DIDO1: variants seen among roughly 807,000 people sequenced by gnomAD.
DIDO1 encodes death inducer-obliterator 1.
In DIDO1, 16 loss-of-function variants were observed where a neutral mutation model predicts 99.4. That is an observed-to-expected ratio of 0.16 (90% CI 0.11 to 0.24). DIDO1 has a LOEUF of 0.24. Ranked by LOEUF, DIDO1 falls within the 10% of genes least tolerant of loss-of-function variation. The probability of loss-of-function intolerance (pLI) is 1.00; values close to 1 mark genes in which losing one functional copy is unlikely to be tolerated. For synonymous variants in DIDO1, 1,366 were observed against 1,239.1 expected (o/e 1.10, Z -2.15); for missense variants, 2,996 against 3,014.0 (o/e 0.99, Z 0.14).
intron 1 of DIDO1, among the ~76,000 whole-genome samples, chr20:62,921,700 C>G (rs1433501743): frequency 9.5e-5 from 14 of 147,506 alleles, no homozygotes; most frequent in African/African-American, 3.5e-4. Context: ...AGCGACTGAT[C>G]ACGGCTCACT....
At chr20:62,913,722 C>A (rs1052915952) in intron 2 of DIDO1, among the ~76,000 whole-genome samples, 2 of 149,226 alleles carry the variant, frequency 1.3e-5, no homozygotes, top group Non-Finnish European at 3.0e-5. Context: ...CAGAAGGGCA[C>A]AAAGTTGCAG....
intron 1 of DIDO1, among the ~76,000 whole-genome samples, chr20:62,920,947 G>C (rs1461961375): frequency 6.6e-6 from 1 of 152,222 alleles, no homozygotes; most frequent in Non-Finnish European, 1.5e-5. Context: ...AGGCTGGAGT[G>C]GAGTGGCACG....
chr20:62,927,230 AC>A (rs772106036), upstream of DIDO1, among the ~76,000 whole-genome samples: 26 of 152,314 alleles, frequency 1.7e-4, no homozygotes, highest in Non-Finnish European at 3.5e-4. Flanking sequence ...TGTCAATCCT[AC>A]ACTCAGAACT....
chr20:62,902,738 G>C (rs1050982119), intron 6 of DIDO1, among the ~76,000 whole-genome samples: 1 of 152,186 alleles, frequency 6.6e-6, no homozygotes, highest in Non-Finnish European at 1.5e-5. Flanking sequence ...TTCCACCTGG[G>C]CACCATGCTT....
At chr20:62,904,183 G>A (rs1347804035) in intron 6 of DIDO1, among the ~76,000 whole-genome samples, 2 of 150,770 alleles carry the variant, frequency 1.3e-5, no homozygotes, top group Non-Finnish European at 2.9e-5. Flanking sequence ...TAAAACCAAT[G>A]TACAGCTAAA....
chr20:62,922,910 T>C (rs1478467925), intron 1 of DIDO1, among the ~76,000 whole-genome samples: 1 of 152,212 alleles, frequency 6.6e-6, no homozygotes, highest in East Asian at 1.9e-4. Context: ...CACTAACTTA[T>C]GAGTGTTTTT....
chr20:62,894,662 A>G lies in DIDO1; in HGVS notation c.2437-114T>C, dbSNP rs1406453359. On this transcript the variant is annotated intron_variant, in intron 10 of 15. Coordinates refer to ENST00000395343, the MANE Select transcript of DIDO1 (RefSeq NM_001193369.2). This position sits in a 1 kb window ranked among gnomAD's most constrained non-coding sequence, Gnocchi z 4.4. ...GATTGAGACCCACGGGGGAGAAAAA[A>G]GGACCATCTAATACAAGGACTGAGG... The G allele has an allele frequency of 6.9e-7, 1 of 1,448,982 alleles. No homozygotes were observed. The highest frequency in any genetic ancestry group is 9.2e-7 in the Non-Finnish European group (1 of 1,082,460). The allele number at this position is 1,448,982 out of a possible 1,614,324, so 89.8% of individuals were successfully genotyped here.
In DIDO1 at chr20:62,922,111, C is replaced by T. The variant is rs199711483; in HGVS notation, c.-200+4328G>A. The stretch of plus-strand genomic sequence containing the variant: ...ACTATATATACACACTATATATATA[C>T]ACACACACACACACATATATACATA... On this transcript the variant is annotated intron_variant, in intron 1 of 15. Coordinates refer to ENST00000395343, the MANE Select transcript of DIDO1 (RefSeq NM_001193369.2). Among the ~76,000 whole-genome samples the T allele has an allele frequency of 5.4e-3, 270 of 50,372 alleles. 4 individuals are homozygous for T. Among genetic ancestry groups the T allele is most frequent in the African/African-American group, 0.018 (229 of 12,904 alleles). The allele number at this position is 50,372 out of a possible 152,430, so 33.0% of individuals were successfully genotyped here.
upstream of DIDO1, chr20:62,926,594 T>TGCGAAGCCCGGCCC (rs2065261590): frequency 1.3e-5 from 2 of 151,370 alleles, no homozygotes; most frequent in Admixed American, 6.6e-5. Flanking sequence ...GAGCCCGGGC[T>TGCGAAGCCCGGCCC]GCGAAGCCCG....
In DIDO1 at chr20:62,911,627, T is replaced by C. The variant is rs756680822; in HGVS notation, c.-2-13A>G. ...TTGTCGTCCATACCTAGCGGTAAAG[T>C]GTAAGCACATAGTGACCAACTGACC... On this transcript the variant is annotated splice_polypyrimidine_tract_variant and intron_variant, in intron 2 of 15. Coordinates refer to ENST00000395343, the MANE Select transcript of DIDO1 (RefSeq NM_001193369.2). This position sits in a 1 kb window ranked among gnomAD's most constrained non-coding sequence, Gnocchi z 7.0. 8 of 1,538,654 alleles carry C rather than the reference T, an allele frequency of 5.2e-6. No individual in the cohort carries two copies. The East Asian group carries it at 1.6e-4, about 31-fold the overall frequency.
chr20:62,895,981 T>C (rs1455998714), intron 8 of DIDO1, among the ~76,000 whole-genome samples: 3 of 152,102 alleles, frequency 2.0e-5, no homozygotes, highest in African/African-American at 7.2e-5. Context: ...AGGAGACTAA[T>C]GTGGTGATAA....
chr20:62,926,984 T>C (rs1284423468), upstream of DIDO1, among the ~76,000 whole-genome samples: 3 of 152,206 alleles, frequency 2.0e-5, no homozygotes, highest in African/African-American at 7.2e-5. Flanking sequence ...CGCAGGCCCC[T>C]GACGGCCTCG....
At chr20:62,887,620 C>T (rs1236444089) in intron 15 of DIDO1, 12 of 985,422 alleles carry the variant, frequency 1.2e-5, no homozygotes, top group East Asian at 1.1e-4. Flanking sequence ...CGGCTTCACG[C>T]GGAAATGACG....
At chr20:62,925,613 T>TTA (rs2065236834) in intron 1 of DIDO1, among the ~76,000 whole-genome samples, 1 of 152,264 alleles carries the variant, frequency 6.6e-6, no homozygotes, top group African/African-American at 2.4e-5. Flanking sequence ...AACTCTAAAC[T>TTA]TATATATTAA....
chr20:62,889,508 T>C (rs560789999), intron 15 of DIDO1: 4 of 985,358 alleles, frequency 4.1e-6, no homozygotes, highest in Admixed American at 6.1e-5. Flanking sequence ...AAAAGTGCTC[T>C]TTCCACCCCG....
At chr20:62,931,196 G>C (rs987814164), upstream of DIDO1, among the ~76,000 whole-genome samples, 1 of 152,146 alleles carries the variant, frequency 6.6e-6, no homozygotes, top group Non-Finnish European at 1.5e-5. Flanking sequence ...GCCTCCCAAA[G>C]TGCTGGGATT....
intron 6 of DIDO1, among the ~76,000 whole-genome samples, chr20:62,901,829 A>C (rs566389758): frequency 5.3e-5 from 8 of 152,098 alleles, no homozygotes; most frequent in Non-Finnish European, 1.0e-4. Flanking sequence ...AAAAAAAAAA[A>C]AAAAACCTAG....
chr20:62,921,572 TTTC>T (rs1379121926), intron 1 of DIDO1, among the ~76,000 whole-genome samples: 1 of 151,674 alleles, frequency 6.6e-6, no homozygotes, highest in Non-Finnish European at 1.5e-5. Flanking sequence ...GAGAATGGGG[TTTC>T]TTCTTTAAAA....
intron 6 of DIDO1, chr20:62,904,865 C>CAG (rs2064766195): frequency 2.3e-6 from 1 of 439,964 alleles, no homozygotes. Context: ...TGCATGAGTG[C>CAG]CTTCCCTTAG....
Sources: allele counts gnomAD v4.1 joint callset (sites outside exome capture counted in the v4.1 genomes callset), GRCh38; gene constraint gnomAD v4.1.1; non-coding constraint Gnocchi (gnomAD v3.1); transcripts MANE v1.5; gene names NCBI Gene and HGNC (gene_info 2026-07-23, HGNC 2026-07-21).